The following CREB5 variants were observed in gnomAD, a reference collection of about 807,000 sequenced individuals.
CREB5 encodes cyclic AMP-responsive element-binding protein 5.
In CREB5, 19 loss-of-function variants were observed where a neutral mutation model predicts 57.1. That is an observed-to-expected ratio of 0.33 (90% CI 0.23 to 0.49). The LOEUF is 0.49. Ranked by LOEUF, CREB5 falls within the 20% of genes least tolerant of loss-of-function variation. The probability of loss-of-function intolerance (pLI) is 0.99; values close to 1 mark genes in which losing one functional copy is unlikely to be tolerated. For missense variants in CREB5, 579 were observed against 671.6 expected (o/e 0.86, Z 1.52); for synonymous variants, 238 against 238.3 (o/e 1.00, Z 0.01).
intron 1 of CREB5, among the ~76,000 whole-genome samples, chr7:28,455,660 G>A (rs1400799207): frequency 6.6e-6 from 1 of 152,004 alleles, no homozygotes; most frequent in Non-Finnish European, 1.5e-5. Context: ...TGCGCTTTGG[G>A]GCTTTGATGC....
chr7:28,608,113 TCACA>T (rs61349634), intron 5 of CREB5, among the ~76,000 whole-genome samples: 2,332 of 143,010 alleles, frequency 0.016, 59 homozygotes, highest in East Asian at 0.12. Flanking sequence ...TCTCTCTCTC[TCACA>T]CACACTCACA....
chr7:28,465,581 G>C (rs899202845), intron 1 of CREB5, among the ~76,000 whole-genome samples: 1 of 152,164 alleles, frequency 6.6e-6, no homozygotes, highest in Non-Finnish European at 1.5e-5. Context: ...CTGAATTCAA[G>C]TCCTAGCTCT....
chr7:28,488,912 A>G (rs1791683698), intron 2 of CREB5, among the ~76,000 whole-genome samples: 1 of 152,198 alleles, frequency 6.6e-6, no homozygotes, highest in Non-Finnish European at 1.5e-5. Flanking sequence ...TGTTGTTACT[A>G]CTATTGCTGC....
intron 1 of CREB5, among the ~76,000 whole-genome samples, chr7:28,373,445 C>CTT (rs10713296): frequency 5.1e-5 from 7 of 136,290 alleles, no homozygotes; most frequent in Admixed American, 1.5e-4. Context: ...TTTCTTTTTT[C>CTT]TTTTTTTTTT....
rs938433268 is a variant in CREB5 at position 28,822,997 on chromosome 7, G to A, written c.*3718G>A. The A allele has an allele frequency of 1.3e-5, 2 of 152,616 alleles. No homozygotes were observed. Among genetic ancestry groups the A allele is most frequent in the Non-Finnish European group, 2.9e-5 (2 of 68,030 alleles). The allele number at this position is 152,616 out of a possible 1,614,324, so 9.5% of individuals were successfully genotyped here. On this transcript the variant is annotated 3_prime_UTR_variant, in exon 11 of 11. Transcript: ENST00000357727. ...AGAGCAAATACTCTTCAGATCCTAT[G>A]TAGTCAGTGAAACAAAATGGAGAGC...
At chr7:28,685,198 G>A (rs1800807267) in intron 5 of CREB5, among the ~76,000 whole-genome samples, 1 of 152,194 alleles carries the variant, frequency 6.6e-6, no homozygotes, top group Non-Finnish European at 1.5e-5. Context: ...GGGAGAACTT[G>A]TCTTCCTTCC....
intron 1 of CREB5, among the ~76,000 whole-genome samples, chr7:28,374,109 T>C (rs1786773870): frequency 6.6e-6 from 1 of 152,138 alleles, no homozygotes; most frequent in African/African-American, 2.4e-5. Context: ...CAAATAAGCA[T>C]ATAAAAAGTG....
intron 7 of CREB5, among the ~76,000 whole-genome samples, chr7:28,790,966 C>A (rs1807672198): frequency 6.6e-6 from 1 of 152,178 alleles, no homozygotes; most frequent in Non-Finnish European, 1.5e-5. Context: ...GTTTGAAAAC[C>A]TTACAGAAGT....
chr7:28,430,023 T>C (rs527300468), intron 1 of CREB5, among the ~76,000 whole-genome samples: 11 of 152,334 alleles, frequency 7.2e-5, no homozygotes, highest in African/African-American at 2.4e-4. Flanking sequence ...TTTGTCAGCA[T>C]AGGGCTGTAT....
intron 5 of CREB5, among the ~76,000 whole-genome samples, chr7:28,583,532 G>T (rs530756721): frequency 6.6e-6 from 1 of 152,156 alleles, no homozygotes; most frequent in East Asian, 1.9e-4. Flanking sequence ...AACAAAGGAA[G>T]TTGTATCATT....
At chr7:28,597,460 A>C (rs1796728159) in intron 5 of CREB5, among the ~76,000 whole-genome samples, 1 of 152,212 alleles carries the variant, frequency 6.6e-6, no homozygotes. Flanking sequence ...AAAACGTGCT[A>C]ACAGTGCCCT....
At chr7:28,524,229 C>T (rs1793327177) in intron 4 of CREB5, among the ~76,000 whole-genome samples, 1 of 151,578 alleles carries the variant, frequency 6.6e-6, no homozygotes, top group Non-Finnish European at 1.5e-5. Flanking sequence ...GTGAGCTCAG[C>T]ATTTCGGGAG....
chr7:28,306,568 T>TTTTTTTTTTTTTTTTTTGTTTG, intron 1 of CREB5, among the ~76,000 whole-genome samples: 1 of 132,714 alleles, frequency 7.5e-6, no homozygotes, highest in Non-Finnish European at 1.6e-5. Flanking sequence ...TTTTTTTTTT[T>TTTTTTTTTTTTTTTTTTGTTTG]TTTTTTTTTT....
chr7:28,311,476 T>C (rs1785276161), intron 1 of CREB5, among the ~76,000 whole-genome samples: 1 of 152,220 alleles, frequency 6.6e-6, no homozygotes, highest in African/African-American at 2.4e-5. Context: ...CGTGGAACAT[T>C]GATCAGAAAC....
chr7:28,668,107 G>A (rs1313453062), intron 5 of CREB5, among the ~76,000 whole-genome samples: 1 of 152,146 alleles, frequency 6.6e-6, no homozygotes, highest in East Asian at 1.9e-4. Flanking sequence ...CCACGTTTAA[G>A]TCTCTTATAA....
chr7:28,743,775 A>G (rs1804511448), intron 7 of CREB5, among the ~76,000 whole-genome samples: 1 of 147,886 alleles, frequency 6.8e-6, no homozygotes, highest in Admixed American at 6.7e-5. Context: ...TAGATGGCCA[A>G]CTTCCCCCTG....
intron 1 of CREB5, among the ~76,000 whole-genome samples, chr7:28,335,305 T>C (rs1255161908): frequency 2.0e-5 from 3 of 152,204 alleles, no homozygotes; most frequent in Non-Finnish European, 4.4e-5. Context: ...ATTTTAACAA[T>C]ATTGGTTCTT....
At chr7:28,410,594 C>T (rs1296888037), upstream of CREB5, 1 of 455,126 alleles carries the variant, frequency 2.2e-6, no homozygotes, top group Non-Finnish European at 4.4e-6. Flanking sequence ...CCCAACTTTC[C>T]CTGGACCGGT....
chr7:28,413,372 T>C (rs1787889243), intron 1 of CREB5, among the ~76,000 whole-genome samples: 1 of 152,140 alleles, frequency 6.6e-6, no homozygotes, highest in Non-Finnish European at 1.5e-5. Context: ...TGAAGGATGA[T>C]TCTATGGGTT....
Sources: gnomAD v4.1 joint callset for allele counts (sites outside exome capture counted in the v4.1 genomes callset) on GRCh38, gnomAD v4.1.1 for gene constraint, MANE v1.5 for transcripts, NCBI Gene and HGNC (gene_info 2026-07-23, HGNC 2026-07-21) for gene names.